The following CXADR variants were observed in gnomAD, a reference collection of about 807,000 sequenced individuals.
The protein encoded by CXADR is coxsackievirus and adenovirus receptor.
Under a neutral mutation model 40.3 loss-of-function variants are expected in CXADR, and 20 were observed. The observed-to-expected ratio is 0.50, with a 90% CI of 0.35 to 0.72. The LOEUF (loss-of-function observed/expected upper bound fraction) is 0.72. Among genes scored for constraint, CXADR ranks in the 30% least tolerant of loss-of-function variants. CXADR has a pLI of 0.01. For missense variants in CXADR, 332 were observed against 449.1 expected (o/e 0.74, Z 2.36); for synonymous variants, 150 against 161.3 (o/e 0.93, Z 0.53).
At chr21:17,585,843 A>G (rs1039601928) in intron 7 of CXADR, among the ~76,000 whole-genome samples, 3 of 152,100 alleles carry the variant, frequency 2.0e-5, no homozygotes, top group Non-Finnish European at 4.4e-5. Context: ...AATGAACAAT[A>G]CTACTTTTAT....
chr21:17,614,442 T>C, the CXADR span, among the ~76,000 whole-genome samples: 1 of 152,198 alleles, frequency 6.6e-6, no homozygotes. Context: ...AATTTCAAAA[T>C]GACTTTTAAA....
the CXADR span, among the ~76,000 whole-genome samples, chr21:17,615,195 C>T: frequency 6.6e-6 from 1 of 150,692 alleles, no homozygotes; most frequent in Non-Finnish European, 1.5e-5. Context: ...GCTCTCTTGC[C>T]AAGTGAGGAT....
the CXADR span, among the ~76,000 whole-genome samples, chr21:17,609,490 T>A: frequency 2.0e-5 from 3 of 152,224 alleles, no homozygotes; most frequent in African/African-American, 7.2e-5. Context: ...TGTGTGTCAA[T>A]ATTTAGCTGC....
chr21:17,575,456 C>T (rs2061314488), intron 7 of CXADR, among the ~76,000 whole-genome samples: 1 of 151,118 alleles, frequency 6.6e-6, no homozygotes, highest in Admixed American at 6.6e-5. Flanking sequence ...CCTGGGATTA[C>T]AGGTGTGAGC....
intron 7 of CXADR, among the ~76,000 whole-genome samples, chr21:17,580,623 C>T (rs748894620): frequency 6.6e-6 from 1 of 152,120 alleles, no homozygotes; most frequent in Non-Finnish European, 1.5e-5. Flanking sequence ...ACCAAAAATA[C>T]ATAAATAAAG....
intron 4 of CXADR, among the ~76,000 whole-genome samples, chr21:17,560,496 T>G (rs993894596): frequency 6.6e-6 from 1 of 152,178 alleles, no homozygotes; most frequent in Non-Finnish European, 1.5e-5. Flanking sequence ...GGGATCATGG[T>G]TACTTTCACC....
chr21:17,599,025 A>T, the CXADR span: 1 of 475,128 alleles, frequency 2.1e-6, no homozygotes. Context: ...TGGTCTATTT[A>T]AGTATTCATA....
In CXADR at chr21:17,551,879, A is replaced by G. The variant is rs1267818791; in HGVS notation, c.341A>G (p.Asp114Gly). The G allele has an allele frequency of 6.2e-7, 1 of 1,613,984 alleles. No individual in the cohort carries two copies. Among genetic ancestry groups the G allele is most frequent in the Admixed American group, 1.7e-5 (1 of 60,006 alleles). ...SINVTNLQLS[D>G]IGTYQCKVKK... ...AATGTAACGAATTTACAACTGTCAGATATTGGCACATATCAGTGCAAAGTG... is the reference window on the plus strand; with the variant it reads ...AATGTAACGAATTTACAACTGTCAGGTATTGGCACATATCAGTGCAAAGTG... Residue 114 changes from aspartate (D) to glycine (G), a missense_variant, in exon 3 of 7, where the codon GAT (aspartate) becomes GGT (glycine). Asp to Gly is a moderately conservative substitution (Grantham distance 94). This residue lies in a region of CXADR where 162 missense variants were observed against 198.5 expected (regional missense o/e 0.82). Transcript: ENST00000284878.
chr21:17,578,936 CTTTG>C (rs2061340584), intron 7 of CXADR, among the ~76,000 whole-genome samples: 1 of 152,204 alleles, frequency 6.6e-6, no homozygotes, highest in South Asian at 2.1e-4. Flanking sequence ...TTTATCTTCT[CTTTG>C]CCTCCCCACA....
chr21:17,594,000 CACT>C (rs1241185089), downstream of CXADR: 8 of 1,436,614 alleles, frequency 5.6e-6, no homozygotes, highest in African/African-American at 2.9e-5. Flanking sequence ...CATCTAACTT[CACT>C]ACTATTAGTA....
At chr21:17,535,338 T>C (rs965352963) in intron 1 of CXADR, among the ~76,000 whole-genome samples, 9 of 152,232 alleles carry the variant, frequency 5.9e-5, no homozygotes, top group African/African-American at 2.2e-4. Flanking sequence ...TGATGTACCC[T>C]GCTTAGATCT....
the CXADR span, among the ~76,000 whole-genome samples, chr21:17,629,239 G>C: frequency 1.1e-4 from 17 of 151,790 alleles, no homozygotes; most frequent in African/African-American, 4.1e-4. Context: ...AATTAGCTGG[G>C]TATGGTGATG....
chr21:17,596,977 G>A (rs541709561), downstream of CXADR, among the ~76,000 whole-genome samples: 2 of 152,162 alleles, frequency 1.3e-5, no homozygotes, highest in African/African-American at 4.8e-5. Context: ...TTTAAAGCTT[G>A]TGGCAATGCC....
chr21:17,571,839 G>A (rs1223202913), downstream of CXADR, among the ~76,000 whole-genome samples: 1 of 152,080 alleles, frequency 6.6e-6, no homozygotes, highest in Non-Finnish European at 1.5e-5. Flanking sequence ...GGTCTTTTAT[G>A]GCACAAAACC....
chr21:17,556,701 C>G (rs2061040559), intron 3 of CXADR, among the ~76,000 whole-genome samples: 2 of 152,094 alleles, frequency 1.3e-5, no homozygotes, highest in Admixed American at 1.3e-4. Context: ...CTCCAGAGCA[C>G]CTGGTCAGAT....
the CXADR span, among the ~76,000 whole-genome samples, chr21:17,619,719 A>G: frequency 5.3e-5 from 8 of 151,292 alleles, no homozygotes; most frequent in African/African-American, 1.9e-4. Context: ...CTTTGTCTCC[A>G]TTGAAAATCT....
chr21:17,572,324 C>T (rs889892744), downstream of CXADR, among the ~76,000 whole-genome samples: 3 of 151,000 alleles, frequency 2.0e-5, no homozygotes, highest in East Asian at 3.9e-4. Flanking sequence ...GAGCCGAGAT[C>T]GCGCCACTGC....
chr21:17,549,965 T>G (rs1000790139), intron 2 of CXADR, among the ~76,000 whole-genome samples: 19 of 152,182 alleles, frequency 1.2e-4, no homozygotes, highest in African/African-American at 3.9e-4. Flanking sequence ...ATAGCTTGTG[T>G]TTACAGAGTA....
intron 1 of CXADR, among the ~76,000 whole-genome samples, chr21:17,529,240 T>G (rs1263292793): frequency 6.6e-6 from 1 of 151,574 alleles, no homozygotes; most frequent in Non-Finnish European, 1.5e-5. Context: ...ACCATGTTGG[T>G]CAGGCTGGTG....
Sources: allele counts gnomAD v4.1 joint callset (sites outside exome capture counted in the v4.1 genomes callset), GRCh38; gene constraint gnomAD v4.1.1; regional missense constraint gnomAD v4.1.1; transcripts MANE v1.5; gene names NCBI Gene and HGNC (gene_info 2026-07-23, HGNC 2026-07-21).